Variants in CMTM7 observed in about 807,000 individuals in gnomAD.
CMTM7 encodes CKLF like MARVEL transmembrane domain containing 7.
A neutral mutation model predicts 19.3 loss-of-function variants in CMTM7; 7 were observed. The ratio of observed to expected loss-of-function variants is 0.36; its 90% confidence interval spans 0.21 to 0.68. The LOEUF (loss-of-function observed/expected upper bound fraction) is 0.68. CMTM7 is among the 30% of genes least tolerant of loss of function. The pLI, the probability that CMTM7 is intolerant of heterozygous loss-of-function variation, is 0.60. For missense variants in CMTM7, 193 were observed against 232.6 expected, an observed-to-expected ratio of 0.83 and a Z score of 1.11; for synonymous variants, 87 against 99.3, an observed-to-expected ratio of 0.88 and a Z score of 0.74.
intron 1 of CMTM7, among the ~76,000 whole-genome samples, chr3:32,406,535 G>C (rs145172403): frequency 1.6e-4 from 25 of 152,310 alleles, no homozygotes; most frequent in African/African-American, 6.0e-4. Context: ...ACAGTGTTCA[G>C]AGTTCCACTG....
At chr3:32,395,490 G>A (rs906860752) in intron 1 of CMTM7, among the ~76,000 whole-genome samples, 25 of 152,260 alleles carry the variant, frequency 1.6e-4, no homozygotes, top group African/African-American at 5.8e-4. Flanking sequence ...CTTAGCAGTA[G>A]TGGTGGAACC....
chr3:32,430,788 T>C (rs6550133), intron 1 of CMTM7, among the ~76,000 whole-genome samples: 24,153 of 150,624 alleles, frequency 0.16, 2,100 homozygotes, highest in Middle Eastern at 0.21. Context: ...CAGGAGAGAG[T>C]GAACGTGCTG....
intron 2 of CMTM7, among the ~76,000 whole-genome samples, chr3:32,445,297 G>A (rs544288368): frequency 6.6e-6 from 1 of 152,240 alleles, no homozygotes; most frequent in East Asian, 1.9e-4. Context: ...CCTCATGTTA[G>A]GAGGAAAGCA....
At chr3:32,403,615 G>C (rs1696043412) in intron 1 of CMTM7, among the ~76,000 whole-genome samples, 1 of 152,190 alleles carries the variant, frequency 6.6e-6, no homozygotes, top group African/African-American at 2.4e-5. Context: ...CTGAGGCACA[G>C]AGTCATAAAT....
intron 1 of CMTM7, among the ~76,000 whole-genome samples, chr3:32,393,951 G>A (rs1249469309): frequency 6.6e-6 from 1 of 152,156 alleles, no homozygotes; most frequent in Admixed American, 6.5e-5. Context: ...CAAGAGTGGG[G>A]CCTGTTGTTC....
chr3:32,420,767 T>C lies in CMTM7; in HGVS notation c.160-21073T>C, dbSNP rs1300556467. Among the ~76,000 whole-genome samples, 7 of 152,304 alleles carry C rather than the reference T, an allele frequency of 4.6e-5. No homozygotes were observed. In the East Asian group the frequency reaches 1.3e-3, roughly 29 times the overall value. ...GTGGGAGAGGCCCTCTCTGGGGAGT[T>C]GTTCCTCAGAACTGGGTCTGGGGGC... On this transcript the variant is annotated intron_variant, in intron 1 of 4. Transcript: ENST00000334983.
intron 3 of CMTM7, chr3:32,451,863 T>C: frequency 5.5e-6 from 2 of 364,890 alleles, no homozygotes; most frequent in East Asian, 1.5e-4. Context: ...CTTAGTTGAG[T>C]CTAATATTGT....
At chr3:32,445,071 GA>G (rs1389953254) in intron 2 of CMTM7, among the ~76,000 whole-genome samples, 1 of 152,190 alleles carries the variant, frequency 6.6e-6, no homozygotes, top group African/African-American at 2.4e-5. Flanking sequence ...CAACTGTGCT[GA>G]ACTACTTAGT....
At chr3:32,409,196 A>G (rs1030688998) in intron 1 of CMTM7, among the ~76,000 whole-genome samples, 3 of 152,160 alleles carry the variant, frequency 2.0e-5, no homozygotes, top group African/African-American at 4.8e-5. Flanking sequence ...CTTTTTATTT[A>G]TAAATAATCC....
At chr3:32,393,398 G>A (rs992882920) in intron 1 of CMTM7, among the ~76,000 whole-genome samples, 2 of 152,172 alleles carry the variant, frequency 1.3e-5, no homozygotes, top group African/African-American at 4.8e-5. Flanking sequence ...GAAGAGACCA[G>A]CCCATCTCAC....
At chr3:32,450,481 G>A (rs76830908) in intron 3 of CMTM7, among the ~76,000 whole-genome samples, 3,488 of 152,316 alleles carry the variant, frequency 0.023, 53 homozygotes, top group East Asian at 0.044. Flanking sequence ...AAATTTTCCA[G>A]ACTTTGGCCT....
chr3:32,394,733 G>A (rs1215277132), intron 1 of CMTM7, among the ~76,000 whole-genome samples: 1 of 151,972 alleles, frequency 6.6e-6, no homozygotes, highest in African/African-American at 2.4e-5. Flanking sequence ...GTCTTGCTCT[G>A]TCACCAGGCT....
In CMTM7 at chr3:32,449,546, C is replaced by T. The variant is rs373771542; in HGVS notation, c.426C>T (p.Ala142=). ...SKSYNQSGLV[A]GAIFGFMATF... ...GTTACAACCAGAGCGGACTGGTAGCCGGAGCGGTGAGGATGTTTTGGGGAG... is the reference window on the plus strand; with the variant it reads ...GTTACAACCAGAGCGGACTGGTAGCTGGAGCGGTGAGGATGTTTTGGGGAG... The change falls in exon 3 of 5, where the codon GCC becomes GCT. Residue 142 remains alanine (A), a synonymous_variant. Coordinates refer to ENST00000334983, the MANE Select transcript of CMTM7 (RefSeq NM_138410.4). The surrounding 1 kb of genome is among the most constrained non-coding windows in gnomAD (Gnocchi z 4.5). The T allele has an allele frequency of 2.1e-5, 34 of 1,612,234 alleles. No homozygotes were observed. Among genetic ancestry groups the T allele is most frequent in the Non-Finnish European group, 2.7e-5 (32 of 1,178,404 alleles).
chr3:32,440,123 CTGGCCAGGCGTGG>C (rs1696654349), intron 1 of CMTM7, among the ~76,000 whole-genome samples: 1 of 151,508 alleles, frequency 6.6e-6, no homozygotes, highest in Non-Finnish European at 1.5e-5. Context: ...ACTCGCTGCT[CTGGCCAGGCGTGG>C]TGGCTCACAC....
At chr3:32,445,888 A>G (rs1696747106) in intron 2 of CMTM7, among the ~76,000 whole-genome samples, 1 of 152,104 alleles carries the variant, frequency 6.6e-6, no homozygotes, top group South Asian at 2.1e-4. Context: ...TGTATAACCC[A>G]TTTTATATGC....
intron 1 of CMTM7, among the ~76,000 whole-genome samples, chr3:32,411,310 T>C (rs1239481769): frequency 6.6e-6 from 1 of 152,222 alleles, no homozygotes; most frequent in African/African-American, 2.4e-5. Flanking sequence ...AGAACTCTTT[T>C]AGATTTAATT....
Position 32,426,085 on chromosome 3 carries a change from C to T in CMTM7, c.160-15755C>T, listed in dbSNP as rs966362147. ...GCTTGAACCTGGGAGGCAGAGTTTG[C>T]GGTGAGCCAAGATCGCACCATTGCA... On this transcript the variant is annotated intron_variant, in intron 1 of 4. Coordinates refer to ENST00000334983, the MANE Select transcript of CMTM7 (RefSeq NM_138410.4). Among the ~76,000 whole-genome samples the T allele has an allele frequency of 5.3e-5, 8 of 152,244 alleles. No individual in the cohort carries two copies. The East Asian group carries it at 7.7e-4, about 15-fold the overall frequency.
At chr3:32,434,908 C>A (rs1223159973) in intron 1 of CMTM7, among the ~76,000 whole-genome samples, 1 of 152,162 alleles carries the variant, frequency 6.6e-6, no homozygotes, top group African/African-American at 2.4e-5. Flanking sequence ...GATATCCAAT[C>A]CACTAGTAAT....
chr3:32,430,113 G>C (rs1696493311), intron 1 of CMTM7, among the ~76,000 whole-genome samples: 1 of 151,406 alleles, frequency 6.6e-6, no homozygotes, highest in Non-Finnish European at 1.5e-5. Context: ...TTCTTTTTAA[G>C]TGTGTGCAAT....
Sources: gnomAD v4.1 joint callset for allele counts (sites outside exome capture counted in the v4.1 genomes callset) on GRCh38, gnomAD v4.1.1 for gene constraint, Gnocchi (gnomAD v3.1) non-coding constraint, MANE v1.5 for transcripts, NCBI Gene and HGNC (gene_info 2026-07-23, HGNC 2026-07-21) for gene names.